Variants in MAP2K4 observed in about 807,000 individuals in gnomAD.
The protein encoded by MAP2K4 is mitogen-activated protein kinase kinase 4, also known as dual specificity mitogen-activated protein kinase kinase 4.
MAP2K4 carries 4 observed loss-of-function variants against 48.5 expected under a neutral mutation model. The observed-to-expected ratio is 0.08, with a 90% confidence interval of 0.04 to 0.19. MAP2K4 has a LOEUF of 0.19. MAP2K4 is among the 10% of genes least tolerant of loss of function. The probability of loss-of-function intolerance (pLI) is 1.00; values close to 1 mark genes in which losing one functional copy is unlikely to be tolerated. For missense variants in MAP2K4, 258 were observed against 493.3 expected (o/e 0.52, Z 4.52); for synonymous variants, 166 against 173.1 (o/e 0.96, Z 0.32).
At chr17:12,098,474 T>A (rs1290246163) in intron 4 of MAP2K4, among the ~76,000 whole-genome samples, 3 of 142,202 alleles carry the variant, frequency 2.1e-5, no homozygotes, top group Middle Eastern at 3.7e-3. Context: ...CGAGACTCCA[T>A]CTCAAAAAAA....
chr17:12,095,539 TG>T (rs1971709984), intron 3 of MAP2K4, 35 bp from the exon 4 acceptor site: 1 of 1,611,990 alleles, frequency 6.2e-7, no homozygotes, highest in Admixed American at 1.7e-5. Flanking sequence ...ACAAAATTAT[TG>T]TGTTTTTTTG....
chr17:12,126,948 GT>G (rs1972873623), intron 8 of MAP2K4, among the ~76,000 whole-genome samples: 2 of 152,078 alleles, frequency 1.3e-5, no homozygotes, highest in Admixed American at 1.3e-4. Context: ...CCCATTTTCA[GT>G]TTTTGCTACC....
At chr17:12,106,997 T>G (rs1972136823) in intron 4 of MAP2K4, among the ~76,000 whole-genome samples, 1 of 152,142 alleles carries the variant, frequency 6.6e-6, no homozygotes, top group East Asian at 1.9e-4. Flanking sequence ...CATAGGATGA[T>G]TCTATAAAAT....
At chr17:12,110,054 A>G (rs1190312575) in intron 5 of MAP2K4, among the ~76,000 whole-genome samples, 1 of 152,120 alleles carries the variant, frequency 6.6e-6, no homozygotes, top group Non-Finnish European at 1.5e-5. Flanking sequence ...CTCAAAATAA[A>G]AAGGGAAAAA....
At chr17:12,021,257 A>C (rs9891274) in intron 1 of MAP2K4, 264,327 of 264,328 alleles carry the variant, frequency 1, 132,163 homozygotes, top group Non-Finnish European at 1. Context: ...GGCTCTCAGC[A>C]GGCCCGCAGG....
At chr17:12,071,334 A>G (rs2151539943) in intron 2 of MAP2K4, among the ~76,000 whole-genome samples, 1 of 152,290 alleles carries the variant, frequency 6.6e-6, no homozygotes, top group South Asian at 2.1e-4. Flanking sequence ...AAGGATAGCC[A>G]GTTCTTAGTG....
chr17:12,049,680 C>T (rs936169015), intron 1 of MAP2K4, among the ~76,000 whole-genome samples: 1 of 152,088 alleles, frequency 6.6e-6, no homozygotes, highest in Non-Finnish European at 1.5e-5. Flanking sequence ...GCTGCAAGGC[C>T]TCATAAAGGG....
chr17:12,056,666 A>G (rs575046053), intron 2 of MAP2K4, among the ~76,000 whole-genome samples: 3 of 152,184 alleles, frequency 2.0e-5, no homozygotes, highest in South Asian at 2.1e-4. Context: ...TGGGTTAGGA[A>G]TAGGTAACTA....
At chr17:12,120,772 A>G (rs1972663117) in intron 7 of MAP2K4, among the ~76,000 whole-genome samples, 1 of 152,144 alleles carries the variant, frequency 6.6e-6, no homozygotes, top group South Asian at 2.1e-4. Flanking sequence ...CTGGCCCCTC[A>G]AATGCTTCTG....
In MAP2K4 at chr17:12,143,233, T is replaced by C. The variant is rs1330002178; in HGVS notation, c.*1973T>C. ...TGTCAACTTCCCATCTGGCTCAGCA[T>C]AGGGTCACTTTGCCATTATGCAAAT... On this transcript the variant is annotated 3_prime_UTR_variant, in exon 11 of 11. Transcript: ENST00000353533. 1 of 232,920 alleles carries C rather than the reference T, an allele frequency of 4.3e-6. No homozygotes were observed. The highest frequency in any genetic ancestry group is 8.5e-6 in the Non-Finnish European group (1 of 117,624). 14.4% of individuals were successfully genotyped at this position (232,920 alleles called of 1,614,324 possible). A position where few individuals can be genotyped will look rare whatever the true frequency, so the allele number is the denominator to read the frequency against.
chr17:12,033,804 A>G (rs907275660), intron 1 of MAP2K4, among the ~76,000 whole-genome samples: 11 of 152,082 alleles, frequency 7.2e-5, no homozygotes, highest in African/African-American at 2.7e-4. Context: ...TGAAAAAAAA[A>G]GGCTGTCTTC....
chr17:12,043,917 A>G (rs1969876691), intron 1 of MAP2K4, among the ~76,000 whole-genome samples: 1 of 151,880 alleles, frequency 6.6e-6, no homozygotes, highest in African/African-American at 2.4e-5. Context: ...AGGTGTGTGT[A>G]TGGGGGCGTG....
At chr17:12,041,087 T>C (rs1969764189) in intron 1 of MAP2K4, among the ~76,000 whole-genome samples, 1 of 152,274 alleles carries the variant, frequency 6.6e-6, no homozygotes, top group African/African-American at 2.4e-5. Context: ...TGAGTGCCAT[T>C]CACGCTCTTG....
At chr17:12,087,152 A>G (rs1477751070) in intron 3 of MAP2K4, among the ~76,000 whole-genome samples, 2 of 151,794 alleles carry the variant, frequency 1.3e-5, no homozygotes, top group Non-Finnish European at 2.9e-5. Context: ...CCAGCCAAAA[A>G]CCTGTCTTAC....
At chr17:12,114,863 C>T (rs1972435784) in intron 7 of MAP2K4, among the ~76,000 whole-genome samples, 1 of 152,066 alleles carries the variant, frequency 6.6e-6, no homozygotes, top group South Asian at 2.1e-4. Context: ...CTTTGCAGGC[C>T]CAGGAGATGT....
rs114421264 is a variant in MAP2K4, at chr17:12,027,574, A to G, written c.115+6573A>G. Among the ~76,000 whole-genome samples, 514 of 152,314 alleles carry G rather than the reference A, an allele frequency of 3.4e-3. 2 individuals are homozygous for G. Among genetic ancestry groups the G allele is most frequent in the African/African-American group, 0.012 (486 of 41,564 alleles). ...TACCAGACATATATATCTGAGATAT[A>G]TATATGTCAGATGTATATATATCTG... On this transcript the variant is annotated intron_variant, in intron 1 of 10. Transcript: ENST00000353533.
intron 7 of MAP2K4, among the ~76,000 whole-genome samples, chr17:12,123,316 T>C (rs1972753278): frequency 6.6e-6 from 1 of 152,212 alleles, no homozygotes; most frequent in African/African-American, 2.4e-5. Context: ...ACTTTGATAT[T>C]CTTTTTGGTA....
intron 8 of MAP2K4, among the ~76,000 whole-genome samples, chr17:12,128,121 A>AG (rs1350791753): frequency 6.6e-6 from 1 of 152,246 alleles, no homozygotes; most frequent in Non-Finnish European, 1.5e-5. Flanking sequence ...TCTGTCCCCC[A>AG]GGCTGGAGTG....
intron 2 of MAP2K4, among the ~76,000 whole-genome samples, chr17:12,064,937 G>A (rs1170851620): frequency 6.6e-6 from 1 of 152,158 alleles, no homozygotes; most frequent in African/African-American, 2.4e-5. Context: ...AAAATGCTGA[G>A]CAGAAGAAGC....
Sources: gnomAD v4.1 joint callset for allele counts (sites outside exome capture counted in the v4.1 genomes callset) on GRCh38, gnomAD v4.1.1 for gene constraint, MANE v1.5 for transcripts, NCBI Gene and HGNC (gene_info 2026-07-23, HGNC 2026-07-21) for gene names.